Variants in ZC3H6 observed in about 807,000 individuals in gnomAD.
ZC3H6 encodes the protein zinc finger CCCH domain-containing protein 6.
A neutral mutation model predicts 107.7 loss-of-function variants in ZC3H6; 40 were observed. The observed-to-expected ratio is 0.37, with a 90% CI of 0.29 to 0.48. The LOEUF is 0.48. Among genes scored for constraint, ZC3H6 ranks in the 20% least tolerant of loss-of-function variants. The pLI is 0.98. For synonymous variants in ZC3H6, 493 were observed against 487.9 expected (o/e 1.01, Z -0.14); for missense variants, 1,267 against 1,410.4 (o/e 0.90, Z 1.63).
At chr2:112,317,596 A>G (rs1239633409) in intron 7 of ZC3H6, among the ~76,000 whole-genome samples, 1 of 152,208 alleles carries the variant, frequency 6.6e-6, no homozygotes, top group South Asian at 2.1e-4. Flanking sequence ...AAGTATTTCA[A>G]GAGATTGTGC....
Position 112,312,002 on chromosome 2 carries a change from A to C in ZC3H6, c.747+65A>C, listed in dbSNP as rs1676604452. ...CATCTTTTAATTTATTTGATGGCAA[A>C]GAAAGCATTGTGATTTTAATGATAC... On this transcript the variant is annotated intron_variant, in intron 5 of 11. Transcript: ENST00000409871. The C allele has an allele frequency of 6.1e-6, 9 of 1,466,402 alleles. No individual in the cohort carries two copies. The South Asian group carries it at 1.0e-4, about 16-fold the overall frequency. The allele number at this position is 1,466,402 out of a possible 1,614,324, so 90.8% of individuals were successfully genotyped here.
Position 112,275,947 on chromosome 2 carries a change from C to G in ZC3H6, c.-48C>G. 1.3e-6 allele frequency: 2 copies of G among 1,499,606 alleles called. No individual in the cohort carries two copies. The highest frequency in any genetic ancestry group is 1.8e-6 in the Non-Finnish European group (2 of 1,124,210). The allele number at this position is 1,499,606 out of a possible 1,614,324, so 92.9% of individuals were successfully genotyped here. A position where few individuals can be genotyped will look rare whatever the true frequency, so the allele number is the denominator to read the frequency against. ...GGGTCTTCCCCGCGCCCCGCCGCCG[C>G]CGGCCTCGCAGACCTGCCCTCCAGC... On this transcript the variant is annotated 5_prime_UTR_variant, in exon 1 of 12. Coordinates refer to ENST00000409871, the MANE Select transcript of ZC3H6 (RefSeq NM_198581.3).
At position 112,325,090 on chromosome 2, in the gene ZC3H6, T is replaced by G; in HGVS notation, c.1979T>G (p.Leu660Arg). Residue 660 changes from leucine to arginine, a missense_variant, in exon 11 of 12, where the codon CTC (leucine) becomes CGC (arginine). Leu to Arg is a moderately radical substitution (Grantham distance 102). Transcript: ENST00000409871. ...CATGGCCCTCTGCCTGTACCAGGCCTCCTCCCTGCAGTGCAAAGAGCTCTT... is the reference window on the plus strand; with the variant it reads ...CATGGCCCTCTGCCTGTACCAGGCCGCCTCCCTGCAGTGCAAAGAGCTCTT... ...TGHGPLPVPG[L>R]LPAVQRALFV... 6.2e-7 allele frequency: 1 copy of G among 1,613,978 alleles called. No individual in the cohort carries two copies. The highest frequency in any genetic ancestry group is 1.1e-5 in the South Asian group (1 of 91,080).
chr2:112,327,444 GCA>G (rs1237508206), intron 11 of ZC3H6, among the ~76,000 whole-genome samples: 1 of 151,958 alleles, frequency 6.6e-6, no homozygotes, highest in Non-Finnish European at 1.5e-5. Flanking sequence ...TAGGTAGTTT[GCA>G]GATATTTTCT....
rs141777423 is a variant in ZC3H6, at chr2:112,327,139, C to T, written c.2086+1942C>T. 1.2e-3 allele frequency among the ~76,000 whole-genome samples: 180 copies of T among 152,272 alleles called. 3 individuals carry two copies. In the East Asian group the frequency reaches 0.032, roughly 27 times the overall value. On this transcript the variant is annotated intron_variant, in intron 11 of 11. Coordinates refer to ENST00000409871, the MANE Select transcript of ZC3H6 (RefSeq NM_198581.3). Reference sequence around the variant, plus strand: ...TCGTACTAATTTACTTTCCCACCAACGGTGTATGAAGGTTCTCTTTCCTCC... The same window carrying T: ...TCGTACTAATTTACTTTCCCACCAATGGTGTATGAAGGTTCTCTTTCCTCC...
chr2:112,285,685 C>T (rs893279019), intron 1 of ZC3H6, among the ~76,000 whole-genome samples: 9 of 152,026 alleles, frequency 5.9e-5, no homozygotes, highest in Non-Finnish European at 1.2e-4. Flanking sequence ...ATTCTCGGGC[C>T]GTGTGTGGTG....
Position 112,332,225 on chromosome 2 carries a change from G to T in ZC3H6, c.3307G>T (p.Val1103Leu). The change falls in exon 12 of 12, where the codon GTG (valine) becomes TTG (leucine). Residue 1103 changes from valine to leucine, a missense_variant. By Grantham distance (32) the Val-to-Leu change is conservative. Transcript: ENST00000409871. ...AILPQKPSPN[V>L]GVTLEGPADP... ...CCTTCCACAAAAACCCAGTCCAAAC[G>T]TGGGAGTCACTCTTGAGGGGCCAGC... is the stretch of plus-strand genomic sequence containing the variant. 6.2e-7 allele frequency: 1 copy of T among 1,613,988 alleles called. No homozygotes were observed. Among genetic ancestry groups the T allele is most frequent in the Non-Finnish European group, 8.5e-7 (1 of 1,179,890 alleles).
In ZC3H6 at chr2:112,303,216, C is replaced by A. The variant is rs766135357; in HGVS notation, c.214-13C>A. 1.8e-5 allele frequency: 28 copies of A among 1,592,628 alleles called. No individual in the cohort carries two copies. The highest frequency in any genetic ancestry group is 2.4e-5 in the Non-Finnish European group (28 of 1,172,672). ...TTGCAAATGTAACATATTTGTCTTT[C>A]CCCTCCCTTCAGCATAATTCCCCAT... On this transcript the variant is annotated splice_polypyrimidine_tract_variant and intron_variant, in intron 2 of 11. Transcript: ENST00000409871.
At chr2:112,304,117 CGT>C (rs1491285043) in intron 3 of ZC3H6, among the ~76,000 whole-genome samples, 3 of 152,082 alleles carry the variant, frequency 2.0e-5, no homozygotes, top group Admixed American at 6.6e-5. Flanking sequence ...TCCTTGCCAA[CGT>C]GTGTTTTTTT....
intron 1 of ZC3H6, among the ~76,000 whole-genome samples, chr2:112,290,672 G>A (rs540514849): frequency 2.0e-5 from 3 of 150,812 alleles, no homozygotes; most frequent in South Asian, 4.2e-4. Context: ...TTTTTAGCTG[G>A]AAGGACATAA....
At chr2:112,314,170 C>T (rs1676647175) in intron 5 of ZC3H6, among the ~76,000 whole-genome samples, 1 of 143,114 alleles carries the variant, frequency 7.0e-6, no homozygotes. Flanking sequence ...CCCTCCATCT[C>T]TCCCTCTTTC....
At chr2:112,297,065 T>G (rs1158673897) in intron 1 of ZC3H6, among the ~76,000 whole-genome samples, 2 of 152,156 alleles carry the variant, frequency 1.3e-5, no homozygotes, top group Non-Finnish European at 2.9e-5. Context: ...TTTAGGCACT[T>G]TTTAAGGCTT....
chr2:112,282,766 A>G (rs1222857759), intron 1 of ZC3H6, among the ~76,000 whole-genome samples: 7 of 152,232 alleles, frequency 4.6e-5, no homozygotes, highest in Admixed American at 6.5e-5. Flanking sequence ...TGCCTACTGA[A>G]CAAGATCATG....
intron 1 of ZC3H6, among the ~76,000 whole-genome samples, chr2:112,290,306 G>T (rs1283094500): frequency 1.3e-5 from 2 of 152,246 alleles, no homozygotes; most frequent in African/African-American, 4.8e-5. Flanking sequence ...CTGCACAGAA[G>T]TTTTGCTCAT....
At chr2:112,278,771 A>G (rs1321743089) in intron 1 of ZC3H6, among the ~76,000 whole-genome samples, 1 of 152,224 alleles carries the variant, frequency 6.6e-6, no homozygotes, top group African/African-American at 2.4e-5. Flanking sequence ...ATGTAAATGG[A>G]ATTCACAGAA....
chr2:112,311,375 A>T (rs1033500697), intron 4 of ZC3H6, among the ~76,000 whole-genome samples: 1 of 152,232 alleles, frequency 6.6e-6, no homozygotes, highest in African/African-American at 2.4e-5. Context: ...CAAAAGAAGT[A>T]TAATTTTTCC....
At chr2:112,277,798 T>C (rs1686453768) in intron 1 of ZC3H6, among the ~76,000 whole-genome samples, 1 of 152,116 alleles carries the variant, frequency 6.6e-6, no homozygotes, top group Non-Finnish European at 1.5e-5. Context: ...TTTTCATGCT[T>C]TTTTTGTCAA....
rs1558956656 is a variant in ZC3H6, at chr2:112,324,557, G to A, written c.1746G>A (p.Met582Ile). ...GSSYQQSPGE[M>I]QLNTNYESLQ... is the part of the protein sequence containing the mutation. ...CATACCAGCAAAGTCCTGGTGAAAT[G>A]CAGCTCAACACCAATTATGAGTCCC... Residue 582 changes from methionine to isoleucine, a missense_variant, in exon 10 of 12, where the codon ATG becomes ATA. Transcript: ENST00000409871. 6.2e-7 allele frequency: 1 copy of A among 1,612,196 alleles called. No individual in the cohort carries two copies. Among genetic ancestry groups the A allele is most frequent in the Non-Finnish European group, 8.5e-7 (1 of 1,179,058 alleles).
At chr2:112,276,792 T>C (rs954148865) in intron 1 of ZC3H6, among the ~76,000 whole-genome samples, 1 of 152,234 alleles carries the variant, frequency 6.6e-6, no homozygotes, top group African/African-American at 2.4e-5. Flanking sequence ...GTAGCATACT[T>C]AAATTTTGGT....
Sources: allele counts gnomAD v4.1 joint callset (sites outside exome capture counted in the v4.1 genomes callset), GRCh38; gene constraint gnomAD v4.1.1; transcripts MANE v1.5; gene names NCBI Gene and HGNC (gene_info 2026-07-23, HGNC 2026-07-21).